The following CUBN variants were observed in gnomAD, a reference collection of about 807,000 sequenced individuals.
CUBN encodes the protein cubilin.
CUBN carries 282 observed loss-of-function variants against 405.3 expected under a neutral mutation model. The observed-to-expected ratio is 0.70, with a 90% CI of 0.63 to 0.77. The LOEUF (loss-of-function observed/expected upper bound fraction) is 0.77. Ranked by LOEUF, CUBN falls within the 30% of genes least tolerant of loss-of-function variation. The pLI, the probability that CUBN is intolerant of heterozygous loss-of-function variation, is 0.00. For synonymous variants in CUBN, 1,684 were observed against 1,617.0 expected, an observed-to-expected ratio of 1.04 and a Z score of -0.99; for missense variants, 4,514 against 4,475.2, an observed-to-expected ratio of 1.01 and a Z score of -0.25.
intron 59 of CUBN, among the ~76,000 whole-genome samples, chr10:16,868,091 C>T (rs998060634): frequency 6.6e-6 from 1 of 152,058 alleles, no homozygotes; most frequent in Admixed American, 6.6e-5. Flanking sequence ...TTCAAAATAG[C>T]CTTCTGGCTT....
chr10:16,825,103 A>T (rs1838736407), intron 66 of CUBN, 21 bp from the exon 67 acceptor site: 29 of 1,511,594 alleles, frequency 1.9e-5, no homozygotes, highest in Non-Finnish European at 2.7e-5. Flanking sequence ...AAAAAAAAGT[A>T]TCCAATTATA....
intron 48 of CUBN, 41 bp from the exon 49 acceptor site, chr10:16,907,720 C>G (rs753824657): frequency 1.3e-6 from 2 of 1,599,460 alleles, no homozygotes; most frequent in Admixed American, 1.7e-5. Context: ...CACAATCCAT[C>G]TTACTGCATA....
intron 50 of CUBN, 55 bp from the exon 51 acceptor site, chr10:16,904,170 T>G (rs1375446257): frequency 6.5e-7 from 1 of 1,533,740 alleles, no homozygotes; most frequent in East Asian, 2.2e-5. Flanking sequence ...GAGAAATACA[T>G]TCAATGAATT....
intron 29 of CUBN, among the ~76,000 whole-genome samples, chr10:16,987,394 G>A (rs1588553867): frequency 1.3e-5 from 2 of 152,228 alleles, no homozygotes; most frequent in South Asian, 2.1e-4. Flanking sequence ...TGCTCAGGAT[G>A]GAGGACATTT....
At chr10:17,037,302 A>G (rs2131810823) in intron 27 of CUBN, among the ~76,000 whole-genome samples, 1 of 152,334 alleles carries the variant, frequency 6.6e-6, no homozygotes, top group South Asian at 2.1e-4. Context: ...AATGCTCTGA[A>G]AAGCAATGAA....
intron 62 of CUBN, among the ~76,000 whole-genome samples, chr10:16,839,542 T>C (rs71491127): frequency 0.3 from 24,872 of 83,046 alleles, 6,561 homozygotes; most frequent in Middle Eastern, 0.57. Flanking sequence ...GTTAGAATGG[T>C]GATTGTTAAA....
At chr10:16,869,304 T>G (rs1840280073) in intron 59 of CUBN, among the ~76,000 whole-genome samples, 1 of 151,812 alleles carries the variant, frequency 6.6e-6, no homozygotes, top group East Asian at 1.9e-4. Context: ...TAGCTGGGAT[T>G]ACAGGCACAC....
chr10:16,969,221 G>A (rs1843482763), intron 31 of CUBN, among the ~76,000 whole-genome samples: 1 of 150,020 alleles, frequency 6.7e-6, no homozygotes, highest in South Asian at 2.1e-4. Flanking sequence ...AGCATTGCAG[G>A]AGCAGAGATG....
At chr10:16,874,256 G>C in intron 58 of CUBN, 118 bp downstream of exon 58, 1 of 1,068,092 alleles carries the variant, frequency 9.4e-7, no homozygotes, top group South Asian at 1.3e-5. Context: ...TCACTCCTCT[G>C]TGTAGATTTC....
At chr10:16,889,741 A>G (rs1009699077) in intron 55 of CUBN, among the ~76,000 whole-genome samples, 10 of 147,564 alleles carry the variant, frequency 6.8e-5, no homozygotes, top group African/African-American at 2.5e-4. Context: ...TAAAAATACA[A>G]AAAAAAAAAA....
chr10:16,828,722 TAAAAAA>T lies in CUBN; in HGVS notation c.10764+77_10764+82del, dbSNP rs370322118. On this transcript the variant is annotated intron_variant, in intron 66 of 66. Transcript: ENST00000377833. ...GGGTGACAAGAGCGAGATTCCATCT[TAAAAAA>T]AAAAAAAGTCTACACTAAGTGACTC... 2.6e-5 allele frequency: 25 copies of T among 955,472 alleles called. No homozygotes were observed. The African/African-American group carries it at 3.6e-4, about 14-fold the overall frequency. 59.2% of individuals were successfully genotyped at this position (955,472 alleles called of 1,614,324 possible).
intron 58 of CUBN, among the ~76,000 whole-genome samples, chr10:16,872,015 A>G (rs1482327794): frequency 1.3e-5 from 2 of 152,196 alleles, no homozygotes; most frequent in Non-Finnish European, 2.9e-5. Context: ...ACTTGAGGTC[A>G]GGGATTCAAG....
At chr10:16,831,739 G>A (rs1839002127) in intron 64 of CUBN, among the ~76,000 whole-genome samples, 1 of 152,174 alleles carries the variant, frequency 6.6e-6, no homozygotes, top group Non-Finnish European at 1.5e-5. Context: ...GAAACATTCT[G>A]GAGAATGTAG....
At chr10:16,888,627 T>C in intron 55 of CUBN, 61 bp from the exon 56 acceptor site, 1 of 1,501,592 alleles carries the variant, frequency 6.7e-7, no homozygotes, top group Non-Finnish European at 9.3e-7. Context: ...ATTTTGTCCA[T>C]GAAGGAAAGA....
chr10:16,880,910 T>G (rs1326826707), intron 56 of CUBN, among the ~76,000 whole-genome samples: 2 of 152,216 alleles, frequency 1.3e-5, no homozygotes, highest in Non-Finnish European at 2.9e-5. Context: ...AATGGCCTTT[T>G]CATGTAATTA....
intron 6 of CUBN, among the ~76,000 whole-genome samples, chr10:17,121,698 A>C (rs1837045623): frequency 6.6e-6 from 1 of 152,140 alleles, no homozygotes; most frequent in South Asian, 2.1e-4. Context: ...AAGTATAATA[A>C]TAATAAAATT....
intron 22 of CUBN, among the ~76,000 whole-genome samples, chr10:17,052,584 C>T (rs1020044232): frequency 1.3e-4 from 19 of 151,382 alleles, no homozygotes; most frequent in Non-Finnish European, 2.1e-4. Context: ...TGGTGAAACC[C>T]TGTCTCTACT....
intron 28 of CUBN, among the ~76,000 whole-genome samples, chr10:17,008,100 G>C (rs1834073732): frequency 6.6e-6 from 1 of 152,122 alleles, no homozygotes; most frequent in African/African-American, 2.4e-5. Context: ...GCAGTGAGCT[G>C]AGATTGCGCC....
intron 60 of CUBN, among the ~76,000 whole-genome samples, chr10:16,849,847 G>A (rs1028317859): frequency 3.3e-5 from 5 of 152,058 alleles, no homozygotes; most frequent in East Asian, 1.9e-4. Flanking sequence ...AGCTACTGCT[G>A]TTGTCACCTC....
Sources: gnomAD v4.1 joint callset for allele counts (sites outside exome capture counted in the v4.1 genomes callset) on GRCh38, gnomAD v4.1.1 for gene constraint, MANE v1.5 for transcripts, NCBI Gene and HGNC (gene_info 2026-07-23, HGNC 2026-07-21) for gene names.